The following TTLL11 variants were observed in gnomAD, a reference collection of about 807,000 sequenced individuals.
TTLL11 encodes tubulin polyglutamylase TTLL11.
A neutral mutation model predicts 51.7 loss-of-function variants in TTLL11; 42 were observed. That is an observed-to-expected ratio of 0.81 (90% CI 0.64 to 1.05). The LOEUF (loss-of-function observed/expected upper bound fraction) is 1.05. TTLL11 is among the 50% of genes least tolerant of loss of function. TTLL11 has a pLI of 0.00. For missense variants in TTLL11, 799 were observed against 940.4 expected (o/e 0.85, Z 1.97); for synonymous variants, 381 against 383.5 (o/e 0.99, Z 0.08).
At chr9:121,913,611 C>T (rs557875995) in intron 6 of TTLL11, among the ~76,000 whole-genome samples, 2 of 152,206 alleles carry the variant, frequency 1.3e-5, no homozygotes, top group African/African-American at 4.8e-5. Flanking sequence ...AATCCCCAGA[C>T]AGGCTCAACA....
intron 2 of TTLL11, among the ~76,000 whole-genome samples, chr9:122,038,959 G>A (rs60810904): frequency 0.024 from 3,724 of 152,128 alleles, 140 homozygotes; most frequent in African/African-American, 0.086. Flanking sequence ...TTTGTTTCCC[G>A]CAAGAATGAA....
chr9:121,829,843 C>T (rs1033922078), intron 8 of TTLL11, among the ~76,000 whole-genome samples: 3 of 151,780 alleles, frequency 2.0e-5, no homozygotes, highest in Non-Finnish European at 2.9e-5. Context: ...TAAAAATACC[C>T]CCAACCTAGC....
At chr9:122,084,110 A>C (rs1194273044) in intron 1 of TTLL11, among the ~76,000 whole-genome samples, 1 of 152,212 alleles carries the variant, frequency 6.6e-6, no homozygotes, top group Non-Finnish European at 1.5e-5. Flanking sequence ...CCCTATGAGT[A>C]TAAAGAACAA....
intron 1 of TTLL11, among the ~76,000 whole-genome samples, chr9:122,052,238 C>T (rs1267138019): frequency 6.6e-6 from 1 of 152,156 alleles, no homozygotes; most frequent in African/African-American, 2.4e-5. Flanking sequence ...AGCACTGCTC[C>T]CCAGACAGAG....
chr9:121,944,875 T>C (rs1313374569), intron 6 of TTLL11, among the ~76,000 whole-genome samples: 1 of 152,118 alleles, frequency 6.6e-6, no homozygotes, highest in Non-Finnish European at 1.5e-5. Flanking sequence ...GATAATAACA[T>C]TTGCAAAGAA....
chr9:122,008,542 C>G (rs1009584147), intron 3 of TTLL11, among the ~76,000 whole-genome samples: 1 of 152,142 alleles, frequency 6.6e-6, no homozygotes, highest in Admixed American at 6.5e-5. Context: ...CCTGTTAGAA[C>G]AGCTATTATC....
chr9:122,071,968 C>T (rs1363927166), intron 1 of TTLL11, among the ~76,000 whole-genome samples: 1 of 152,188 alleles, frequency 6.6e-6, no homozygotes, highest in East Asian at 1.9e-4. Context: ...CCACTTCCAA[C>T]TCACCACTGC....
chr9:121,973,948 G>A lies in TTLL11; in HGVS notation c.1481+61C>T, dbSNP rs1267068967. The A allele has an allele frequency of 8.8e-6, 11 of 1,245,662 alleles. No individual in the cohort carries two copies. The East Asian group carries it at 2.8e-4, about 32-fold the overall frequency. The allele number at this position is 1,245,662 out of a possible 1,614,324, so 77.2% of individuals were successfully genotyped here. ...AGGTTCCAAGAACTTACCTGCTTAG[G>A]ATACGAAGCCGGGTTAGGAGGCAGA... On this transcript the variant is annotated intron_variant, in intron 6 of 8. Coordinates refer to ENST00000321582, the MANE Select transcript of TTLL11 (RefSeq NM_001139442.2).
intron 1 of TTLL11, among the ~76,000 whole-genome samples, chr9:122,072,370 G>A (rs1234398988): frequency 1.3e-5 from 2 of 152,044 alleles, no homozygotes; most frequent in Non-Finnish European, 2.9e-5. Context: ...TCAGCCAGGT[G>A]CGGTGGCTCA....
chr9:121,841,515 T>G lies in TTLL11; in HGVS notation c.1841-18636A>C, dbSNP rs1350038633. On this transcript the variant is annotated intron_variant, in intron 8 of 8. Coordinates refer to ENST00000321582, the MANE Select transcript of TTLL11 (RefSeq NM_001139442.2). Reference sequence around the variant, plus strand: ...GGAAGTGTGGGCAGAGACTCCCACCTGCTACCAAGAAGAACGCACTCAGTC... The same window carrying G: ...GGAAGTGTGGGCAGAGACTCCCACCGGCTACCAAGAAGAACGCACTCAGTC... Among the ~76,000 whole-genome samples, 6 of 152,152 alleles carry G rather than the reference T, an allele frequency of 3.9e-5. No individual in the cohort carries two copies. In the South Asian group the frequency reaches 8.3e-4, roughly 21 times the overall value.
In TTLL11 at chr9:121,852,640, G is replaced by A. The variant is rs28637505; in HGVS notation, c.1840+7697C>T. On this transcript the variant is annotated intron_variant, in intron 8 of 8. Transcript: ENST00000321582. ...GATGAGGAAGGACAGGCACTCGCCC[G>A]ACAAAGGGGCAGCGGGTGTGACTCC... Among the ~76,000 whole-genome samples the A allele has an allele frequency of 6.2e-3, 937 of 152,284 alleles. 12 individuals are homozygous for A. Among genetic ancestry groups the A allele is most frequent in the African/African-American group, 0.021 (875 of 41,562 alleles).
At chr9:121,913,795 C>A (rs1030157910) in intron 6 of TTLL11, among the ~76,000 whole-genome samples, 1 of 152,196 alleles carries the variant, frequency 6.6e-6, no homozygotes, top group African/African-American at 2.4e-5. Context: ...TTCATTCTGT[C>A]AGCCTTTAAA....
At chr9:122,064,003 C>A (rs1037300719) in intron 1 of TTLL11, among the ~76,000 whole-genome samples, 2 of 152,078 alleles carry the variant, frequency 1.3e-5, no homozygotes, top group Non-Finnish European at 2.9e-5. Flanking sequence ...TTAATATCAG[C>A]CTGGATTTCA....
rs187202618 is a variant in TTLL11 at position 121,832,070 on chromosome 9, A to G, written c.1841-9191T>C. On this transcript the variant is annotated intron_variant, in intron 8 of 8. Transcript: ENST00000321582. ...ATCAGGATGCTAATCCTATTCAATA[A>G]GGGACCCACCCTTATGACCTCATTT... 2.6e-5 allele frequency among the ~76,000 whole-genome samples: 4 copies of G among 152,112 alleles called. No individual in the cohort carries two copies. The East Asian group carries it at 7.7e-4, about 29-fold the overall frequency.
intron 6 of TTLL11, among the ~76,000 whole-genome samples, chr9:121,963,125 T>C (rs564127599): frequency 1.5e-5 from 2 of 134,316 alleles, no homozygotes; most frequent in Non-Finnish European, 3.3e-5. Context: ...ATCTATAAAA[T>C]AGAGGTAGTC....
At chr9:121,922,430 T>C (rs1014707211) in intron 6 of TTLL11, among the ~76,000 whole-genome samples, 1 of 152,176 alleles carries the variant, frequency 6.6e-6, no homozygotes, top group African/African-American at 2.4e-5. Flanking sequence ...GGTCCGGGAA[T>C]GCTCAAGTTT....
chr9:121,996,009 A>G (rs1286808789), intron 3 of TTLL11, among the ~76,000 whole-genome samples: 2 of 152,206 alleles, frequency 1.3e-5, no homozygotes, highest in Admixed American at 1.3e-4. Flanking sequence ...GTTCCAGTTA[A>G]GAAAATCTAA....
At chr9:121,871,246 A>G (rs1838346939) in intron 6 of TTLL11, among the ~76,000 whole-genome samples, 1 of 152,088 alleles carries the variant, frequency 6.6e-6, no homozygotes, top group Non-Finnish European at 1.5e-5. Flanking sequence ...TAAATTTGGA[A>G]TTCATACAAA....
At chr9:122,018,207 G>T (rs916798197) in intron 3 of TTLL11, among the ~76,000 whole-genome samples, 3 of 150,362 alleles carry the variant, frequency 2.0e-5, no homozygotes, top group Admixed American at 2.0e-4. Context: ...CTACCTCCTG[G>T]GTTCACGTCA....
Sources: gnomAD v4.1 joint callset for allele counts (sites outside exome capture counted in the v4.1 genomes callset) on GRCh38, gnomAD v4.1.1 for gene constraint, MANE v1.5 for transcripts, NCBI Gene and HGNC (gene_info 2026-07-23, HGNC 2026-07-21) for gene names.